LRRC9: variants seen among roughly 807,000 people sequenced by gnomAD.
LRRC9 encodes leucine rich repeat containing 9, also known as leucine-rich repeat-containing protein 9.
In LRRC9, 122 loss-of-function variants were observed where a neutral mutation model predicts 63.2. The ratio of observed to expected loss-of-function variants is 1.93; its 90% CI spans 1.67 to 2.24. LRRC9 has a LOEUF of 2.24. LRRC9 is among the 30% of genes most tolerant of loss of function. The pLI is 0.00. For synonymous variants in LRRC9, 366 were observed against 213.1 expected, an observed-to-expected ratio of 1.72 and a Z score of -6.25; for missense variants, 1,071 against 627.7, an observed-to-expected ratio of 1.71 and a Z score of -7.55.
chr14:60,037,527 C>A (rs1310718735), intron 29 of LRRC9, among the ~76,000 whole-genome samples: 1 of 152,180 alleles, frequency 6.6e-6, no homozygotes, highest in Non-Finnish European at 1.5e-5. Context: ...TGATAATGAG[C>A]ATTTTTTCAT....
At chr14:59,953,029 G>T (rs959285557) in intron 8 of LRRC9, among the ~76,000 whole-genome samples, 2 of 152,178 alleles carry the variant, frequency 1.3e-5, no homozygotes, top group Non-Finnish European at 2.9e-5. Context: ...TGGTGTATAT[G>T]TGCCACATTT....
chr14:59,985,192 G>A (rs966686890), exon 17 of LRRC9: 1 of 689,652 alleles, frequency 1.5e-6, no homozygotes, highest in Non-Finnish European at 2.6e-6. Flanking sequence ...TAGCTTTAAT[G>A]AATTTACCTG....
chr14:59,944,810 G>T, intron 8 of LRRC9, 66 bp downstream of exon 8: 1 of 560,912 alleles, frequency 1.8e-6, no homozygotes. Context: ...AAGATAGCAA[G>T]CAATATCTTT....
In LRRC9 at chr14:59,966,910, A is replaced by G. The variant is rs2140001289; in HGVS notation, c.1388+145A>G. The G allele has an allele frequency of 1.8e-6, 1 of 556,816 alleles. No individual in the cohort carries two copies. The highest frequency in any genetic ancestry group is 4.7e-4 in the Middle Eastern group (1 of 2,110). 34.5% of individuals were successfully genotyped at this position (556,816 alleles called of 1,614,324 possible). On this transcript the variant is annotated intron_variant, in intron 11 of 31. Coordinates refer to ENST00000445360, the Ensembl canonical transcript of LRRC9. The surrounding 1 kb of genome is among the most constrained non-coding windows in gnomAD (Gnocchi z 4.0). ...TTTTTATGCATCTCCCATGGCCAGG[A>G]TGACCTCATAATTTATCCACATTGA...
At chr14:59,960,235 C>T (rs182410883) in intron 9 of LRRC9, among the ~76,000 whole-genome samples, 2 of 152,292 alleles carry the variant, frequency 1.3e-5, no homozygotes, top group Admixed American at 1.3e-4. Context: ...TAATTAGGAA[C>T]AGTAAGCTTC....
intron 8 of LRRC9, among the ~76,000 whole-genome samples, chr14:59,957,458 G>A (rs927061327): frequency 3.9e-5 from 6 of 151,928 alleles, no homozygotes; most frequent in African/African-American, 1.4e-4. Flanking sequence ...AAGTTCTTAT[G>A]CTGTGTTTTT....
rs149227330 is a variant in LRRC9, at chr14:60,048,720, C to G, written c.3991-4345C>G. On this transcript the variant is annotated intron_variant, in intron 29 of 31. Coordinates refer to ENST00000445360, the Ensembl canonical transcript of LRRC9. ...TTAATTCCAGAGGTACAAGGAAGAACTGGTACCATTTCTACTGAAATTATT... is the reference window on the plus strand; with the variant it reads ...TTAATTCCAGAGGTACAAGGAAGAAGTGGTACCATTTCTACTGAAATTATT... 1.3e-5 allele frequency among the ~76,000 whole-genome samples: 2 copies of G among 152,256 alleles called. 1 individual carries two copies. Among genetic ancestry groups the G allele is most frequent in the East Asian group, 3.9e-4 (2 of 5,186 alleles).
chr14:60,050,084 C>A (rs1595112808), intron 29 of LRRC9, among the ~76,000 whole-genome samples: 1 of 152,010 alleles, frequency 6.6e-6, no homozygotes, highest in Non-Finnish European at 1.5e-5. Flanking sequence ...GCAACCTCCA[C>A]CTCCTGGGTT....
At position 59,957,061 on chromosome 14, in the gene LRRC9, A is replaced by AT. The variant is rs550790796; in HGVS notation, c.883-2751dup. ...ACCTTTCTCTCTGGCTGCCCTTAAC[A>AT]TTTTTTCCTTTGTTTCAACCTTGGA... On this transcript the variant is annotated intron_variant, in intron 8 of 31. Transcript: ENST00000445360. 1.8e-3 allele frequency among the ~76,000 whole-genome samples: 266 copies of AT among 151,874 alleles called. 1 individual carries two copies. In the Middle Eastern group the frequency reaches 0.02, roughly 12 times the overall value.
At chr14:59,993,548 G>C (rs540622321) in intron 17 of LRRC9, among the ~76,000 whole-genome samples, 2 of 152,288 alleles carry the variant, frequency 1.3e-5, no homozygotes, top group South Asian at 4.1e-4. Flanking sequence ...ACCCATCAGT[G>C]TGCTGTATTC....
intron 18 of LRRC9, among the ~76,000 whole-genome samples, chr14:59,998,179 A>G (rs1431156746): frequency 6.6e-6 from 1 of 152,064 alleles, no homozygotes; most frequent in Non-Finnish European, 1.5e-5. Flanking sequence ...TTAATGAGTC[A>G]TAGGAACCAA....
At chr14:60,022,802 A>T (rs1212053055) in exon 27 of LRRC9, 1 of 688,150 alleles carries the variant, frequency 1.5e-6, no homozygotes, top group African/African-American at 1.8e-5. Context: ...TTGGGCTACA[A>T]TGGAATTTGT....
chr14:59,966,914 C>A lies in LRRC9; in HGVS notation c.1388+149C>A. On this transcript the variant is annotated intron_variant, in intron 11 of 31. Coordinates refer to ENST00000445360, the Ensembl canonical transcript of LRRC9. The surrounding 1 kb of genome is among the most constrained non-coding windows in gnomAD (Gnocchi z 4.0). The stretch of plus-strand genomic sequence containing the variant: ...TATGCATCTCCCATGGCCAGGATGA[C>A]CTCATAATTTATCCACATTGAGCCT... 1.8e-6 allele frequency: 1 copy of A among 555,268 alleles called. No homozygotes were observed. The highest frequency in any genetic ancestry group is 3.2e-6 in the Non-Finnish European group (1 of 310,738). The allele number at this position is 555,268 out of a possible 1,614,324, so 34.4% of individuals were successfully genotyped here. A position where few individuals can be genotyped will look rare whatever the true frequency, so the allele number is the denominator to read the frequency against.
rs534073916 is a variant in LRRC9 at position 59,933,795 on chromosome 14, G to C, written c.543+1756G>C. 2.0e-5 allele frequency among the ~76,000 whole-genome samples: 3 copies of C among 152,160 alleles called. No individual in the cohort carries two copies. The South Asian group carries it at 6.2e-4, about 32-fold the overall frequency. On this transcript the variant is annotated intron_variant, in intron 6 of 31. Transcript: ENST00000445360. ...GCAGGGCGTGGGCATTCTAAGACGG[G>C]GAAAACAATATGTACAAAGGCAGGG...
Position 59,936,303 on chromosome 14 carries a change from G to A in LRRC9, c.544-2087G>A, listed in dbSNP as rs935219825. ...TATGACTATCATAAAAACATTGAACGTGATTCACAGGAAGTTTTACTATCT... is the reference window on the plus strand; with the variant it reads ...TATGACTATCATAAAAACATTGAACATGATTCACAGGAAGTTTTACTATCT... On this transcript the variant is annotated intron_variant, in intron 6 of 31. Coordinates refer to ENST00000445360, the Ensembl canonical transcript of LRRC9. The surrounding 1 kb of genome is among the most constrained non-coding windows in gnomAD (Gnocchi z 4.2). 9.2e-5 allele frequency among the ~76,000 whole-genome samples: 14 copies of A among 152,070 alleles called. No homozygotes were observed. The highest frequency in any genetic ancestry group is 2.9e-4 in the African/African-American group (12 of 41,418).
At chr14:60,009,127 G>A (rs1281557611) in intron 23 of LRRC9, among the ~76,000 whole-genome samples, 1 of 152,152 alleles carries the variant, frequency 6.6e-6, no homozygotes, top group African/African-American at 2.4e-5. Context: ...GCCTTCATTT[G>A]AAGGGCCACA....
At chr14:59,992,496 C>T (rs948137710) in intron 17 of LRRC9, among the ~76,000 whole-genome samples, 2 of 151,764 alleles carry the variant, frequency 1.3e-5, no homozygotes, top group African/African-American at 2.4e-5. Context: ...AGGCTTCAGA[C>T]GATCAAACTA....
chr14:59,947,939 T>C lies in LRRC9; in HGVS notation c.882+3195T>C, dbSNP rs1330456186. Among the ~76,000 whole-genome samples the C allele has an allele frequency of 4.6e-5, 7 of 152,032 alleles. No homozygotes were observed. The East Asian group carries it at 5.8e-4, about 13-fold the overall frequency. ...TGTAGTATAGTTTGAAGTCAGGTAG[T>C]GTGATGCCTCCAGCTTTGTTCTTTT... On this transcript the variant is annotated intron_variant, in intron 8 of 31. Transcript: ENST00000445360.
chr14:59,991,240 T>G (rs1888055466), intron 17 of LRRC9, among the ~76,000 whole-genome samples: 1 of 152,220 alleles, frequency 6.6e-6, no homozygotes, highest in African/African-American at 2.4e-5. Flanking sequence ...CTTAAGTGTG[T>G]ACTAAAATGG....
Sources: allele counts gnomAD v4.1 joint callset (sites outside exome capture counted in the v4.1 genomes callset), GRCh38; gene constraint gnomAD v4.1.1; non-coding constraint Gnocchi (gnomAD v3.1); transcripts MANE v1.5; gene names NCBI Gene and HGNC (gene_info 2026-07-23, HGNC 2026-07-21).